The following CACNB4 variants were observed in gnomAD, a reference collection of about 807,000 sequenced individuals.
CACNB4 encodes calcium voltage-gated channel auxiliary subunit beta 4.
CACNB4 carries 32 observed loss-of-function variants against 71.2 expected under a neutral mutation model. The ratio of observed to expected loss-of-function variants is 0.45; its 90% CI spans 0.34 to 0.60. The LOEUF is 0.60. Ranked by LOEUF, CACNB4 falls within the 20% of genes least tolerant of loss-of-function variation. The pLI, the probability that CACNB4 is intolerant of heterozygous loss-of-function variation, is 0.01. For missense variants in CACNB4, 464 were observed against 647.9 expected (o/e 0.72, Z 3.08); for synonymous variants, 231 against 236.9 (o/e 0.97, Z 0.23).
intron 2 of CACNB4, chr2:151,973,732 A>G: frequency 1.2e-6 from 2 of 1,612,258 alleles, no homozygotes; most frequent in South Asian, 2.2e-5. Flanking sequence ...GATAATCCAG[A>G]GCACCTCTTT....
intron 2 of CACNB4, among the ~76,000 whole-genome samples, chr2:151,938,787 G>A (rs1453888529): frequency 6.6e-6 from 1 of 152,166 alleles, no homozygotes; most frequent in Non-Finnish European, 1.5e-5. Context: ...GAGCATGGGG[G>A]GAAGGGATGG....
intron 2 of CACNB4, among the ~76,000 whole-genome samples, chr2:152,070,263 G>A (rs1649761786): frequency 6.6e-6 from 1 of 152,168 alleles, no homozygotes; most frequent in Non-Finnish European, 1.5e-5. Flanking sequence ...AAACCACACT[G>A]TATCAAGAAC....
rs2099835488 is a variant in CACNB4, at chr2:151,838,956, G to C, written c.*163C>G. 3.6e-6 allele frequency: 2 copies of C among 562,092 alleles called. No homozygotes were observed. Among genetic ancestry groups the C allele is most frequent in the African/African-American group, 3.8e-5 (2 of 53,218 alleles). 34.8% of individuals were successfully genotyped at this position (562,092 alleles called of 1,614,324 possible). On this transcript the variant is annotated 3_prime_UTR_variant, in exon 14 of 14. Transcript: ENST00000539935. Reference sequence around the variant, plus strand: ...CATCTAATATCCATCTAGACTCAAGGGCATAATGTAATTTTTTTTTTTGCC... The same window carrying C: ...CATCTAATATCCATCTAGACTCAAGCGCATAATGTAATTTTTTTTTTTGCC...
At chr2:151,893,763 TG>T (rs1420461765) in intron 2 of CACNB4, among the ~76,000 whole-genome samples, 2 of 151,974 alleles carry the variant, frequency 1.3e-5, no homozygotes, top group Non-Finnish European at 2.9e-5. Context: ...AACATTTGTC[TG>T]GGAAAAAAAT....
chr2:151,866,653 A>G (rs941554780), intron 9 of CACNB4: 8 of 152,374 alleles, frequency 5.3e-5, no homozygotes, highest in African/African-American at 1.7e-4. Flanking sequence ...CATACACTCA[A>G]CCAAGGAACT....
chr2:151,983,992 T>TA (rs931175267), intron 2 of CACNB4, among the ~76,000 whole-genome samples: 5 of 152,136 alleles, frequency 3.3e-5, no homozygotes, highest in African/African-American at 9.7e-5. Flanking sequence ...ACATTAGTTT[T>TA]AAAAAAATTA....
At chr2:151,928,497 TA>T (rs2099860826) in intron 2 of CACNB4, among the ~76,000 whole-genome samples, 1 of 152,216 alleles carries the variant, frequency 6.6e-6, no homozygotes, top group Non-Finnish European at 1.5e-5. Flanking sequence ...CTCAAGGGAT[TA>T]CACCCTGATT....
rs537755843 is a variant in CACNB4, at chr2:151,951,290, TA to T, written c.148-67921del. ...GAATCTCACCTGAATTTCTAAAAAT[TA>T]AAAAAAAAAACAACTAATAACCAAA... On this transcript the variant is annotated intron_variant, in intron 2 of 13. Transcript: ENST00000539935. Among the ~76,000 whole-genome samples the T allele has an allele frequency of 2.7e-3, 393 of 145,670 alleles. 2 individuals carry two copies. Among genetic ancestry groups the T allele is most frequent in the African/African-American group, 8.5e-3 (341 of 39,928 alleles).
chr2:151,948,418 T>C (rs909577954), intron 2 of CACNB4, among the ~76,000 whole-genome samples: 1 of 152,162 alleles, frequency 6.6e-6, no homozygotes, highest in African/African-American at 2.4e-5. Flanking sequence ...CCCAACACTT[T>C]GGAGGCCAAG....
At position 151,998,315 on chromosome 2, in the gene CACNB4, C is replaced by CAAAAAA. The variant is rs70974815; in HGVS notation, c.147+100009_147+100014dup. On this transcript the variant is annotated intron_variant, in intron 2 of 13. Coordinates refer to ENST00000539935, the MANE Select transcript of CACNB4 (RefSeq NM_000726.5). ...AATCCAGCCTGGGCAACTCCATCTCCAAAAAAAAAAAAAAAAAAAAAAAAA... is the reference window on the plus strand; with the variant it reads ...AATCCAGCCTGGGCAACTCCATCTCCAAAAAAAAAAAAAAAAAAAAAAAAAAAAAAA... 2.4e-3 allele frequency among the ~76,000 whole-genome samples: 270 copies of CAAAAAA among 110,684 alleles called. 13 individuals carry two copies. The highest frequency in any genetic ancestry group is 0.01 in the African/African-American group (250 of 24,960). The allele number at this position is 110,684 out of a possible 152,430, so 72.6% of individuals were successfully genotyped here. A position where few individuals can be genotyped will look rare whatever the true frequency, so the allele number is the denominator to read the frequency against.
At chr2:151,983,065 A>C (rs1354709571) in intron 2 of CACNB4, among the ~76,000 whole-genome samples, 2 of 152,232 alleles carry the variant, frequency 1.3e-5, no homozygotes, top group Non-Finnish European at 2.9e-5. Context: ...CCCATTAAAA[A>C]CACAACAGTG....
chr2:151,876,600 T>C, intron 4 of CACNB4, 44 bp from the exon 5 acceptor site: 2 of 1,230,770 alleles, frequency 1.6e-6, no homozygotes, highest in Non-Finnish European at 2.2e-6. Flanking sequence ...AATTCACTTA[T>C]CTTCACGTTG....
intron 2 of CACNB4, among the ~76,000 whole-genome samples, chr2:151,921,879 CCCTTCG>C (rs902068933): frequency 5.1e-4 from 78 of 152,314 alleles, no homozygotes; most frequent in African/African-American, 1.8e-3. Context: ...CCTCCCCTTC[CCCTTCG>C]CCTTCCGCCA....
At position 152,084,685 on chromosome 2, in the gene CACNB4, C is replaced by G. The variant is rs1157670376; in HGVS notation, c.147+13645G>C. Among the ~76,000 whole-genome samples, 3 of 152,180 alleles carry G rather than the reference C, an allele frequency of 2.0e-5. No individual in the cohort carries two copies. The East Asian group carries it at 5.8e-4, about 29-fold the overall frequency. Reference sequence around the variant, plus strand: ...AGTGCAGTGGCACAATCATAGCTCACTGCAGCCTCAACCTCCTAGGCTCAA... The same window carrying G: ...AGTGCAGTGGCACAATCATAGCTCAGTGCAGCCTCAACCTCCTAGGCTCAA... On this transcript the variant is annotated intron_variant, in intron 2 of 13. Transcript: ENST00000539935.
intron 2 of CACNB4, among the ~76,000 whole-genome samples, chr2:152,027,720 C>T (rs1049958546): frequency 4.6e-5 from 7 of 152,104 alleles, no homozygotes; most frequent in African/African-American, 1.7e-4. Context: ...GGCTTGGTGG[C>T]GCACGCCTAT....
intron 2 of CACNB4, among the ~76,000 whole-genome samples, chr2:151,990,904 T>C (rs1681671214): frequency 6.6e-6 from 1 of 152,230 alleles, no homozygotes; most frequent in African/African-American, 2.4e-5. Context: ...TGAAAGGTCA[T>C]TTTAAAATGT....
intron 2 of CACNB4, among the ~76,000 whole-genome samples, chr2:152,004,596 C>A (rs1405952598): frequency 6.6e-6 from 1 of 152,010 alleles, no homozygotes; most frequent in African/African-American, 2.4e-5. Flanking sequence ...CTCCTTCAGT[C>A]AATCCTGCCC....
intron 2 of CACNB4, among the ~76,000 whole-genome samples, chr2:151,910,683 C>A (rs1356459909): frequency 6.6e-6 from 1 of 152,178 alleles, no homozygotes; most frequent in African/African-American, 2.4e-5. Context: ...CAGTACCATG[C>A]TGTTTTGGTT....
In CACNB4 at chr2:152,063,226, A is replaced by G. The variant is rs116406577; in HGVS notation, c.147+35104T>C. Reference sequence around the variant, plus strand: ...TTCTCAACCAGTTTAGATAGCCTCTAACAGTTCCAAATCTGTTCAAAATCA... The same window carrying G: ...TTCTCAACCAGTTTAGATAGCCTCTGACAGTTCCAAATCTGTTCAAAATCA... On this transcript the variant is annotated intron_variant, in intron 2 of 13. Coordinates refer to ENST00000539935, the MANE Select transcript of CACNB4 (RefSeq NM_000726.5). 4.4e-3 allele frequency among the ~76,000 whole-genome samples: 665 copies of G among 152,342 alleles called. 3 individuals carry two copies. Among genetic ancestry groups the G allele is most frequent in the African/African-American group, 0.015 (638 of 41,564 alleles).
Sources: allele counts gnomAD v4.1 joint callset (sites outside exome capture counted in the v4.1 genomes callset), GRCh38; gene constraint gnomAD v4.1.1; transcripts MANE v1.5; gene names NCBI Gene and HGNC (gene_info 2026-07-23, HGNC 2026-07-21).